PIP5K1A: variants seen among roughly 807,000 people sequenced by gnomAD.
PIP5K1A encodes phosphatidylinositol-4-phosphate 5-kinase type 1 alpha, also known as phosphatidylinositol 4-phosphate 5-kinase type-1 alpha.
Under a neutral mutation model 72.9 loss-of-function variants are expected in PIP5K1A, and 46 were observed. The observed-to-expected ratio is 0.63, with a 90% CI of 0.50 to 0.81. The LOEUF is 0.81. Ranked by LOEUF, PIP5K1A falls within the 30% of genes least tolerant of loss-of-function variation. The pLI is 0.00. For synonymous variants in PIP5K1A, 228 were observed against 255.1 expected, an observed-to-expected ratio of 0.89 and a Z score of 1.01; for missense variants, 458 against 706.1, an observed-to-expected ratio of 0.65 and a Z score of 3.98.
intron 10 of PIP5K1A, 185 bp downstream of exon 10, chr1:151,238,450 A>G: frequency 1.8e-6 from 1 of 569,510 alleles, no homozygotes; most frequent in East Asian, 3.1e-5. Flanking sequence ...CCCGGCCTTT[A>G]TAACCCTTCC....
At chr1:151,216,923 T>G (rs1238188679) in intron 1 of PIP5K1A, among the ~76,000 whole-genome samples, 291 of 21,100 alleles carry the variant, frequency 0.014, 7 homozygotes, top group Non-Finnish European at 0.024. Flanking sequence ...TTTTTTTTTT[T>G]TTTTTTTGAG....
At chr1:151,198,010 A>C (rs1246861808), upstream of PIP5K1A, 4 of 469,906 alleles carry the variant, frequency 8.5e-6, no homozygotes, top group Non-Finnish European at 1.8e-5. Flanking sequence ...ACAGGTCTTC[A>C]CTGATTCATG....
chr1:151,227,470 T>C, intron 4 of PIP5K1A, 70 bp downstream of exon 4: 1 of 928,334 alleles, frequency 1.1e-6, no homozygotes. Context: ...CTCAGTCTCC[T>C]TGAAATTACT....
chr1:151,215,654 C>T (rs1570815740), intron 1 of PIP5K1A, among the ~76,000 whole-genome samples: 1 of 152,284 alleles, frequency 6.6e-6, no homozygotes, highest in East Asian at 1.9e-4. Context: ...AAAAGTCTGG[C>T]TGCAGAGGAA....
intron 11 of PIP5K1A, among the ~76,000 whole-genome samples, 155 bp downstream of exon 11, chr1:151,239,333 C>T (rs587755827): frequency 1.1e-4 from 17 of 150,470 alleles, no homozygotes; most frequent in Admixed American, 7.3e-4. Context: ...AGTGCAGTGG[C>T]GTGATCTCGG....
At chr1:151,196,311 C>T (rs1380199883), upstream of PIP5K1A, among the ~76,000 whole-genome samples, 3 of 152,106 alleles carry the variant, frequency 2.0e-5, no homozygotes, top group East Asian at 1.9e-4. Flanking sequence ...TGAGCCAAAT[C>T]CTGTGCTCAG....
chr1:151,238,143 C>T (rs919336474), intron 9 of PIP5K1A, 39 bp from the exon 10 acceptor site: 1 of 1,353,648 alleles, frequency 7.4e-7, no homozygotes, highest in Admixed American at 1.7e-5. Flanking sequence ...CTAAACTAGC[C>T]AACAGATTTT....
At chr1:151,216,242 G>A (rs587709037) in intron 1 of PIP5K1A, among the ~76,000 whole-genome samples, 3 of 152,000 alleles carry the variant, frequency 2.0e-5, no homozygotes, top group East Asian at 1.9e-4. Context: ...CCAGCTACTC[G>A]GGAGGCTGAG....
chr1:151,227,707 A>G (rs1030838964), intron 4 of PIP5K1A, among the ~76,000 whole-genome samples: 1 of 152,156 alleles, frequency 6.6e-6, no homozygotes, highest in African/African-American at 2.4e-5. Flanking sequence ...CCTGGCCAAC[A>G]TGATGAAACT....
intron 1 of PIP5K1A, 127 bp from the exon 2 acceptor site, chr1:151,224,118 A>AT (rs1267988534): frequency 2.4e-6 from 2 of 835,686 alleles, no homozygotes; most frequent in African/African-American, 3.4e-5. Flanking sequence ...AGGATCTGGT[A>AT]TTACTGAGCA....
chr1:151,240,664 A>G (rs1412751140), intron 12 of PIP5K1A, among the ~76,000 whole-genome samples: 1 of 152,188 alleles, frequency 6.6e-6, no homozygotes, highest in Non-Finnish European at 1.5e-5. Context: ...GCAGTATCTC[A>G]CACCTATAAT....
intron 1 of PIP5K1A, among the ~76,000 whole-genome samples, chr1:151,215,093 C>T (rs990820821): frequency 4.2e-4 from 62 of 147,308 alleles, no homozygotes; most frequent in South Asian, 4.3e-4. Context: ...TGCAATGGCG[C>T]GATCTCAGCT....
At chr1:151,203,016 G>A (rs587698312) in intron 1 of PIP5K1A, among the ~76,000 whole-genome samples, 49 of 152,116 alleles carry the variant, frequency 3.2e-4, no homozygotes, top group African/African-American at 1.1e-3. Flanking sequence ...TGATCCTCTC[G>A]CCTCAGCCTT....
intron 1 of PIP5K1A, among the ~76,000 whole-genome samples, chr1:151,218,170 G>A (rs1477139315): frequency 6.6e-6 from 1 of 152,168 alleles, no homozygotes; most frequent in Admixed American, 6.6e-5. Flanking sequence ...GTGAAACTGC[G>A]CTTTCAAGTA....
At chr1:151,200,098 A>G (rs1372019048) in intron 1 of PIP5K1A, among the ~76,000 whole-genome samples, 1 of 152,008 alleles carries the variant, frequency 6.6e-6, no homozygotes, top group Non-Finnish European at 1.5e-5. Context: ...CCTTAAAAAC[A>G]GATGGGAAAG....
chr1:151,207,271 G>T (rs935415015), intron 1 of PIP5K1A, among the ~76,000 whole-genome samples: 2 of 152,234 alleles, frequency 1.3e-5, no homozygotes, highest in Admixed American at 6.5e-5. Context: ...AAAATTTCAA[G>T]TGCCTCTTGG....
chr1:151,242,390 A>C (rs1691875650), intron 13 of PIP5K1A, 48 bp from the exon 14 acceptor site: 1 of 1,609,830 alleles, frequency 6.2e-7, no homozygotes, highest in Non-Finnish European at 8.5e-7. Flanking sequence ...GCTGCTACAT[A>C]TTTTTCCTTG....
intron 4 of PIP5K1A, among the ~76,000 whole-genome samples, chr1:151,227,848 T>G (rs1689383656): frequency 6.6e-6 from 1 of 152,166 alleles, no homozygotes; most frequent in South Asian, 2.1e-4. Flanking sequence ...ATTGTGCCAC[T>G]TGGTGGCACT....
Position 151,208,953 on chromosome 1 carries a change from C to T in PIP5K1A, c.85+9872C>T, listed in dbSNP as rs587614992. Reference sequence around the variant, plus strand: ...TTCACCGTGTTAGCCAGGATGGTCTCGATCTTCTGACCTGGTGATCTGCCT... The same window carrying T: ...TTCACCGTGTTAGCCAGGATGGTCTTGATCTTCTGACCTGGTGATCTGCCT... On this transcript the variant is annotated intron_variant, in intron 1 of 15. Coordinates refer to ENST00000368888, the MANE Select transcript of PIP5K1A (RefSeq NM_001135638.2). Among the ~76,000 whole-genome samples the T allele has an allele frequency of 1.0e-4, 15 of 150,652 alleles. No individual in the cohort carries two copies. The East Asian group carries it at 1.8e-3, about 18-fold the overall frequency.
Sources: gnomAD v4.1 joint callset for allele counts (sites outside exome capture counted in the v4.1 genomes callset) on GRCh38, gnomAD v4.1.1 for gene constraint, MANE v1.5 for transcripts, NCBI Gene and HGNC (gene_info 2026-07-23, HGNC 2026-07-21) for gene names.